Variants in RGL1 observed in about 807,000 individuals in gnomAD.
RGL1 encodes ral guanine nucleotide dissociation stimulator like 1.
A neutral mutation model predicts 95.2 loss-of-function variants in RGL1; 24 were observed. The observed-to-expected ratio is 0.25, with a 90% CI of 0.18 to 0.35. RGL1 has a LOEUF of 0.35. RGL1 is among the 10% of genes least tolerant of loss of function. RGL1 has a pLI of 1.00. For missense variants in RGL1, 715 were observed against 936.3 expected (o/e 0.76, Z 3.08); for synonymous variants, 329 against 344.9 (o/e 0.95, Z 0.51).
At chr1:183,902,062 G>A (rs369182155) in intron 11 of RGL1, among the ~76,000 whole-genome samples, 2 of 152,342 alleles carry the variant, frequency 1.3e-5, no homozygotes, top group South Asian at 2.1e-4. Flanking sequence ...ACCCATCAGT[G>A]TTGGGGAATT....
At chr1:183,847,836 G>C (rs1383474403) in intron 3 of RGL1, 62 bp downstream of exon 3, 1 of 1,322,938 alleles carries the variant, frequency 7.6e-7, no homozygotes, top group South Asian at 1.2e-5. Context: ...AGTGGAGCAC[G>C]AGGTTCTGAA....
intron 1 of RGL1, among the ~76,000 whole-genome samples, chr1:183,642,523 C>A (rs1357712776): frequency 6.6e-6 from 1 of 152,068 alleles, no homozygotes; most frequent in Non-Finnish European, 1.5e-5. Flanking sequence ...TAGTATATAA[C>A]CAAGTATCAA....
chr1:183,878,661 A>G (rs1271087986), intron 4 of RGL1, among the ~76,000 whole-genome samples: 4 of 152,310 alleles, frequency 2.6e-5, no homozygotes, highest in Middle Eastern at 3.4e-3. Flanking sequence ...CTTTTTTGCA[A>G]TAAATAATGA....
rs192959874 is a variant in RGL1 at position 183,684,454 on chromosome 1, G to A, written c.-33+47953G>A. Among the ~76,000 whole-genome samples the A allele has an allele frequency of 8.1e-4, 124 of 152,190 alleles. 4 individuals carry two copies. Among genetic ancestry groups the A allele is most frequent in the East Asian group, 7.7e-4 (4 of 5,178 alleles). Reference sequence around the variant, plus strand: ...GCCCCTCCTTCCACCAAGCTCGAGCGTCCCAGGTCGACTCCAGACTGCTGT... The same window carrying A: ...GCCCCTCCTTCCACCAAGCTCGAGCATCCCAGGTCGACTCCAGACTGCTGT... On this transcript the variant is annotated intron_variant, in intron 1 of 18. Coordinates refer to the RGL1 transcript ENST00000304685.
chr1:183,919,231 G>A (rs1241314875), intron 16 of RGL1, among the ~76,000 whole-genome samples: 1 of 152,150 alleles, frequency 6.6e-6, no homozygotes, highest in African/African-American at 2.4e-5. Context: ...GAGAAGTGTG[G>A]CATTGTTTTC....
At chr1:183,705,553 C>A (rs1558163082) in intron 1 of RGL1, among the ~76,000 whole-genome samples, 1 of 151,956 alleles carries the variant, frequency 6.6e-6, no homozygotes, top group African/African-American at 2.4e-5. Context: ...TTAGTATGCA[C>A]CAGGTAAGCT....
intron 8 of RGL1, among the ~76,000 whole-genome samples, chr1:183,889,489 A>G (rs1369628450): frequency 6.6e-6 from 1 of 152,174 alleles, no homozygotes; most frequent in Non-Finnish European, 1.5e-5. Context: ...GTGGGGCAGA[A>G]TGGAAGGTCT....
chr1:183,764,550 T>TTTCTATATTTA (rs1039948445), intron 2 of RGL1, among the ~76,000 whole-genome samples: 6 of 152,150 alleles, frequency 3.9e-5, no homozygotes, highest in Non-Finnish European at 8.8e-5. Context: ...AGAGGGTCAA[T>TTTCTATATTTA]TTCTATATTT....
chr1:183,662,965 G>T (rs1651755439), intron 1 of RGL1, among the ~76,000 whole-genome samples: 1 of 152,126 alleles, frequency 6.6e-6, no homozygotes, highest in African/African-American at 2.4e-5. Context: ...ATGGGGAAAG[G>T]ATTCCCTATT....
chr1:183,686,291 C>T (rs944203872), intron 1 of RGL1, among the ~76,000 whole-genome samples: 4 of 152,110 alleles, frequency 2.6e-5, no homozygotes, highest in Non-Finnish European at 5.9e-5. Context: ...GAAATAATCA[C>T]CATTTACAGT....
chr1:183,711,522 C>G (rs1572314995), intron 1 of RGL1, among the ~76,000 whole-genome samples: 1 of 152,154 alleles, frequency 6.6e-6, no homozygotes, highest in Non-Finnish European at 1.5e-5. Flanking sequence ...CTATAGCCCA[C>G]TCTTACTGGG....
chr1:183,659,114 G>C (rs1227587847), intron 1 of RGL1, among the ~76,000 whole-genome samples: 1 of 152,116 alleles, frequency 6.6e-6, no homozygotes, highest in Non-Finnish European at 1.5e-5. Context: ...GGAAAAAACA[G>C]AGCAGAAAAA....
chr1:183,928,244 C>G lies in RGL1; in HGVS notation c.*1952C>G, dbSNP rs1425761421. 2.0e-5 allele frequency: 3 copies of G among 151,286 alleles called. No individual in the cohort carries two copies. Among genetic ancestry groups the G allele is most frequent in the Non-Finnish European group, 4.4e-5 (3 of 67,878 alleles). The allele number at this position is 151,286 out of a possible 1,614,324, so 9.4% of individuals were successfully genotyped here. On this transcript the variant is annotated 3_prime_UTR_variant, in exon 18 of 18. Transcript: ENST00000360851. Reference sequence around the variant, plus strand: ...CATATATGTTGTGCCCGTGTTCATCCTGTGTATTTATACTGTATATGTAGA... The same window carrying G: ...CATATATGTTGTGCCCGTGTTCATCGTGTGTATTTATACTGTATATGTAGA...
chr1:183,763,826 A>G (rs1322648146), intron 2 of RGL1, among the ~76,000 whole-genome samples: 1 of 152,240 alleles, frequency 6.6e-6, no homozygotes, highest in Non-Finnish European at 1.5e-5. Flanking sequence ...CAGTGGGGAA[A>G]GAGTACAAAA....
intron 4 of RGL1, among the ~76,000 whole-genome samples, chr1:183,871,112 G>C (rs1274911289): frequency 6.6e-6 from 1 of 152,198 alleles, no homozygotes; most frequent in Non-Finnish European, 1.5e-5. Context: ...CTCAAAAAAT[G>C]AATAACAGAA....
intron 1 of RGL1, among the ~76,000 whole-genome samples, chr1:183,688,096 T>A (rs1002025269): frequency 6.6e-6 from 1 of 152,008 alleles, no homozygotes; most frequent in African/African-American, 2.4e-5. Flanking sequence ...ATGAGATGAA[T>A]CTTGGGAAAT....
chr1:183,798,210 ACTG>A (rs1469399816), intron 2 of RGL1, among the ~76,000 whole-genome samples: 1 of 152,086 alleles, frequency 6.6e-6, no homozygotes, highest in East Asian at 1.9e-4. Context: ...CCCTCTCAGG[ACTG>A]CTTTCTTCTA....
At chr1:183,716,673 G>T (rs1166545472) in intron 1 of RGL1, among the ~76,000 whole-genome samples, 1 of 152,222 alleles carries the variant, frequency 6.6e-6, no homozygotes, top group African/African-American at 2.4e-5. Flanking sequence ...ATCCCAGCAT[G>T]TCCACTGTAC....
At chr1:183,718,248 A>AAAAAG (rs1655760838) in intron 1 of RGL1, among the ~76,000 whole-genome samples, 1 of 150,054 alleles carries the variant, frequency 6.7e-6, no homozygotes, top group South Asian at 2.1e-4. Flanking sequence ...AAAAAAAAAA[A>AAAAAG]AGAGAGAGAG....
Sources: gnomAD v4.1 joint callset for allele counts (sites outside exome capture counted in the v4.1 genomes callset) on GRCh38, gnomAD v4.1.1 for gene constraint, MANE v1.5 for transcripts, NCBI Gene and HGNC (gene_info 2026-07-23, HGNC 2026-07-21) for gene names.